The following SCN9A variants were observed in gnomAD, a reference collection of about 807,000 sequenced individuals.
SCN9A encodes sodium channel protein type 9 subunit alpha.
Under a neutral mutation model 187.0 loss-of-function variants are expected in SCN9A, and 131 were observed. The ratio of observed to expected loss-of-function variants is 0.70; its 90% confidence interval spans 0.61 to 0.81. The LOEUF is 0.81. Ranked by LOEUF, SCN9A falls within the 30% of genes least tolerant of loss-of-function variation. The probability of loss-of-function intolerance (pLI) is 0.00; values close to 1 mark genes in which losing one functional copy is unlikely to be tolerated. For missense variants in SCN9A, 2,252 were observed against 2,396.6 expected (o/e 0.94, Z 1.26); for synonymous variants, 809 against 808.6 (o/e 1.00, Z -0.01).
chr2:166,296,316 A>G (rs554052962), intron 7 of SCN9A, among the ~76,000 whole-genome samples: 2 of 152,356 alleles, frequency 1.3e-5, no homozygotes, highest in African/African-American at 2.4e-5. Flanking sequence ...TAGTTAAACT[A>G]TTATACAATT....
chr2:166,342,099 T>A (rs1330194774), intron 1 of SCN9A, among the ~76,000 whole-genome samples: 1 of 152,216 alleles, frequency 6.6e-6, no homozygotes, highest in Non-Finnish European at 1.5e-5. Flanking sequence ...TTGTCCTGAT[T>A]ATATTATACC....
intron 1 of SCN9A, among the ~76,000 whole-genome samples, chr2:166,349,150 CAAACAAAA>C (rs1393846762): frequency 7.1e-6 from 1 of 141,690 alleles, no homozygotes. Context: ...AACAAACAAA[CAAACAAAA>C]AACTCCTCTC....
At chr2:166,331,387 A>G (rs1010606893) in intron 1 of SCN9A, among the ~76,000 whole-genome samples, 10 of 152,170 alleles carry the variant, frequency 6.6e-5, no homozygotes, top group Admixed American at 6.6e-4. Flanking sequence ...CAAATTTGGG[A>G]ACACCTCCAT....
chr2:166,277,429 C>T, intron 15 of SCN9A, 90 bp from the exon 16 acceptor site: 1 of 764,200 alleles, frequency 1.3e-6, no homozygotes. Flanking sequence ...GTAAAGCAGA[C>T]TTTAAGTCCT....
chr2:166,366,699 A>G (rs1700425455), intron 1 of SCN9A, among the ~76,000 whole-genome samples: 1 of 152,168 alleles, frequency 6.6e-6, no homozygotes, highest in South Asian at 2.1e-4. Flanking sequence ...TGAGATGATT[A>G]TCTCATTGCA....
At chr2:166,225,452 A>C (rs1558962796) in intron 24 of SCN9A, among the ~76,000 whole-genome samples, 2 of 152,186 alleles carry the variant, frequency 1.3e-5, no homozygotes, top group Non-Finnish European at 2.9e-5. Context: ...AATAGAGTAC[A>C]AGATACATCG....
chr2:166,201,484 CTATA>C lies in SCN9A; in HGVS notation c.4775-1624_4775-1621del, dbSNP rs1322720637. 5.7e-5 allele frequency among the ~76,000 whole-genome samples: 6 copies of C among 106,058 alleles called. 1 individual carries two copies. The highest frequency in any genetic ancestry group is 4.9e-4 in the Admixed American group (5 of 10,218). The allele number at this position is 106,058 out of a possible 152,430, so 69.6% of individuals were successfully genotyped here. On this transcript the variant is annotated intron_variant, in intron 26 of 26. Transcript: ENST00000642356. ...ATATATAGTATAGAGTATGCGTATA[CTATA>C]TATATAGTATAGAGTATGCGTATAC...
intron 1 of SCN9A, among the ~76,000 whole-genome samples, chr2:166,335,147 C>G (rs1699596657): frequency 1.3e-5 from 2 of 152,048 alleles, no homozygotes; most frequent in South Asian, 4.1e-4. Context: ...TTTGAGTTTA[C>G]TTCTACACAA....
chr2:166,209,391 C>T (rs958124914), intron 24 of SCN9A, among the ~76,000 whole-genome samples: 6 of 151,966 alleles, frequency 3.9e-5, no homozygotes, highest in Non-Finnish European at 7.4e-5. Context: ...TGAAGTTTAG[C>T]AAAGTACCAG....
At chr2:166,302,174 T>G (rs993923022) in intron 7 of SCN9A, 1 of 147,254 alleles carries the variant, frequency 6.8e-6, no homozygotes, top group Non-Finnish European at 1.5e-5. Flanking sequence ...GGTCAAATTA[T>G]CTATTAAGAT....
At chr2:166,288,692 T>G in intron 9 of SCN9A, 49 bp from the exon 10 acceptor site, 1 of 1,428,698 alleles carries the variant, frequency 7.0e-7, no homozygotes, top group Non-Finnish European at 9.4e-7. Flanking sequence ...GTTTTTTTAG[T>G]AAATTATTTC....
intron 1 of SCN9A, among the ~76,000 whole-genome samples, chr2:166,340,123 C>A (rs1699728013): frequency 6.6e-6 from 1 of 152,138 alleles, no homozygotes; most frequent in Admixed American, 6.6e-5. Flanking sequence ...AACCAGTCTC[C>A]TTAATGAAAA....
At chr2:166,227,482 C>G (rs2106384624) in intron 23 of SCN9A, among the ~76,000 whole-genome samples, 188 bp downstream of exon 23, 1 of 152,258 alleles carries the variant, frequency 6.6e-6, no homozygotes, top group South Asian at 2.1e-4. Flanking sequence ...TGATATGGTA[C>G]AGCTAGAATT....
At chr2:166,200,915 C>T (rs1195683769) in intron 26 of SCN9A, among the ~76,000 whole-genome samples, 1 of 152,136 alleles carries the variant, frequency 6.6e-6, no homozygotes, top group African/African-American at 2.4e-5. Context: ...GGATTATAGG[C>T]GTGAGCCACA....
chr2:166,312,135 C>G (rs376111502), intron 1 of SCN9A, among the ~76,000 whole-genome samples: 7 of 152,154 alleles, frequency 4.6e-5, no homozygotes, highest in Admixed American at 3.9e-4. Flanking sequence ...CAACTTTCCT[C>G]TTTTAAAAGT....
chr2:166,294,723 A>C, intron 7 of SCN9A, 61 bp from the exon 8 acceptor site: 1 of 1,207,460 alleles, frequency 8.3e-7, no homozygotes, highest in East Asian at 2.4e-5. Context: ...ATTGTGATAA[A>C]GGAGGTAAAT....
chr2:166,314,524 A>G (rs1252309200), intron 1 of SCN9A, among the ~76,000 whole-genome samples: 3 of 152,234 alleles, frequency 2.0e-5, no homozygotes, highest in Non-Finnish European at 4.4e-5. Context: ...GTTCAGCAGC[A>G]TTATTCATAC....
rs181809487 is a variant in SCN9A at position 166,321,739 on chromosome 2, A to C, written c.-50-9933T>G. On this transcript the variant is annotated intron_variant, in intron 1 of 26. Transcript: ENST00000642356. Reference sequence around the variant, plus strand: ...TTTACTTTTTAATTCTCAACATTTTAAGCATCATTCATGTCACTTATATCA... The same window carrying C: ...TTTACTTTTTAATTCTCAACATTTTCAGCATCATTCATGTCACTTATATCA... Among the ~76,000 whole-genome samples the C allele has an allele frequency of 2.8e-3, 419 of 151,878 alleles. 1 individual carries two copies. Among genetic ancestry groups the C allele is most frequent in the Admixed American group, 4.9e-3 (75 of 15,238 alleles).
chr2:166,359,020 T>C (rs1347295606), intron 1 of SCN9A, among the ~76,000 whole-genome samples: 1 of 152,210 alleles, frequency 6.6e-6, no homozygotes, highest in East Asian at 1.9e-4. Flanking sequence ...ATAATATTTC[T>C]TTCAACCTAT....
Sources: allele counts gnomAD v4.1 joint callset (sites outside exome capture counted in the v4.1 genomes callset), GRCh38; gene constraint gnomAD v4.1.1; transcripts MANE v1.5; gene names NCBI Gene and HGNC (gene_info 2026-07-23, HGNC 2026-07-21).